The following NRXN3 variants were observed in gnomAD, a reference collection of about 807,000 sequenced individuals.
NRXN3 encodes neurexin 3.
NRXN3 carries 32 observed loss-of-function variants against 137.6 expected under a neutral mutation model. The observed-to-expected ratio is 0.23, with a 90% CI of 0.18 to 0.31. The LOEUF is 0.31. Among genes scored for constraint, NRXN3 ranks in the 10% least tolerant of loss-of-function variants. The pLI, the probability that NRXN3 is intolerant of heterozygous loss-of-function variation, is 1.00. For missense variants in NRXN3, 1,574 were observed against 2,062.5 expected, an observed-to-expected ratio of 0.76 and a Z score of 4.59; for synonymous variants, 798 against 784.5, an observed-to-expected ratio of 1.02 and a Z score of -0.29.
intron 20 of NRXN3, among the ~76,000 whole-genome samples, chr14:79,827,176 G>A (rs1009642371): frequency 1.3e-5 from 2 of 152,170 alleles, no homozygotes; most frequent in Non-Finnish European, 2.9e-5. Context: ...GATGACAAAC[G>A]TTGATGAAGG....
At chr14:79,486,913 T>TTCTCTCTCTCTCTCTCTC (rs58861355) in intron 16 of NRXN3, among the ~76,000 whole-genome samples, 4 of 128,478 alleles carry the variant, frequency 3.1e-5, no homozygotes, top group African/African-American at 1.0e-4. Flanking sequence ...TCTTTACAGG[T>TTCTCTCTCTCTCTCTCTC]TCTCTCTCTC....
At chr14:79,364,237 T>C (rs1455058206) in intron 15 of NRXN3, among the ~76,000 whole-genome samples, 1 of 152,226 alleles carries the variant, frequency 6.6e-6, no homozygotes, top group Non-Finnish European at 1.5e-5. Context: ...ATCCTCCTTT[T>C]TTGTCCGTGA....
chr14:78,478,556 A>G (rs1279124210), intron 4 of NRXN3, among the ~76,000 whole-genome samples: 1 of 152,224 alleles, frequency 6.6e-6, no homozygotes, highest in African/African-American at 2.4e-5. Context: ...GTCAGAAAAA[A>G]AAGAGAAAGC....
intron 4 of NRXN3, among the ~76,000 whole-genome samples, chr14:78,571,914 C>T (rs1299130669): frequency 1.3e-5 from 2 of 152,198 alleles, no homozygotes; most frequent in Non-Finnish European, 2.9e-5. Flanking sequence ...GGGTTCACAA[C>T]TAAATGCTTC....
chr14:79,441,904 G>C lies in NRXN3; in HGVS notation c.3263-25317G>C, dbSNP rs143697941. ...CTGTCCTCCTTCTCCGCCAAATTCAGGATACATGTTTTATCAGCCCATGTG... is the reference window on the plus strand; with the variant it reads ...CTGTCCTCCTTCTCCGCCAAATTCACGATACATGTTTTATCAGCCCATGTG... On this transcript the variant is annotated intron_variant, in intron 15 of 20. Coordinates refer to ENST00000335750, the MANE Select transcript of NRXN3 (RefSeq NM_001330195.2). Among the ~76,000 whole-genome samples, 3 of 150,288 alleles carry C rather than the reference G, an allele frequency of 2.0e-5. No individual in the cohort carries two copies. The East Asian group carries it at 5.9e-4, about 30-fold the overall frequency.
intron 16 of NRXN3, among the ~76,000 whole-genome samples, chr14:79,508,552 G>T (rs2096902275): frequency 6.6e-6 from 1 of 151,376 alleles, no homozygotes; most frequent in Non-Finnish European, 1.5e-5. Context: ...ACCACGCCCG[G>T]CTAGTTTTTT....
intron 16 of NRXN3, among the ~76,000 whole-genome samples, chr14:79,539,711 C>T (rs2097253820): frequency 6.6e-6 from 1 of 152,048 alleles, no homozygotes; most frequent in Non-Finnish European, 1.5e-5. Flanking sequence ...CTAGAAATTC[C>T]TCATTATAAT....
chr14:78,788,937 C>T (rs539398499), intron 8 of NRXN3, among the ~76,000 whole-genome samples: 1 of 152,258 alleles, frequency 6.6e-6, no homozygotes, highest in East Asian at 1.9e-4. Context: ...GCACACCAAG[C>T]AATGATTCTG....
chr14:78,513,396 G>A (rs982211914), intron 4 of NRXN3, among the ~76,000 whole-genome samples: 1 of 152,120 alleles, frequency 6.6e-6, no homozygotes, highest in African/African-American at 2.4e-5. Flanking sequence ...GGTGGAGACG[G>A]CCTAGAAAAG....
In NRXN3 at chr14:78,771,795, C is replaced by T. The variant is rs1040813035; in HGVS notation, c.2045-31825C>T. 3.3e-5 allele frequency among the ~76,000 whole-genome samples: 5 copies of T among 152,204 alleles called. 1 individual carries two copies. Among genetic ancestry groups the T allele is most frequent in the Admixed American group, 6.5e-5 (1 of 15,278 alleles). On this transcript the variant is annotated intron_variant, in intron 8 of 20. Coordinates refer to ENST00000335750, the MANE Select transcript of NRXN3 (RefSeq NM_001330195.2). ...ATTTGCCTTATTTGCAAAGAGACAG[C>T]TGTGCCCAGGCCTTTAGAAAGGAAC...
intron 4 of NRXN3, among the ~76,000 whole-genome samples, chr14:78,300,008 A>G (rs928571858): frequency 1.3e-5 from 2 of 151,982 alleles, no homozygotes; most frequent in African/African-American, 4.8e-5. Context: ...CTATCCCCTT[A>G]TCTGTTCTCA....
intron 16 of NRXN3, among the ~76,000 whole-genome samples, chr14:79,593,586 G>C (rs2097830639): frequency 1.4e-5 from 2 of 140,364 alleles, no homozygotes; most frequent in Non-Finnish European, 3.0e-5. Flanking sequence ...AGCCAAGATG[G>C]CGCCACTGCA....
chr14:78,624,827 GTGTGTTTGTTTGTT>G (rs2097440323), intron 4 of NRXN3, among the ~76,000 whole-genome samples: 1 of 150,360 alleles, frequency 6.7e-6, no homozygotes, highest in South Asian at 2.1e-4. Flanking sequence ...GTGTGTGTGT[GTGTGTTTGTTTGTT>G]TGTTTGTTTG....
intron 15 of NRXN3, among the ~76,000 whole-genome samples, chr14:79,206,845 A>T (rs2066865849): frequency 6.6e-6 from 1 of 152,218 alleles, no homozygotes; most frequent in Non-Finnish European, 1.5e-5. Flanking sequence ...TTAGAAAGGC[A>T]GAACACAATG....
intron 15 of NRXN3, among the ~76,000 whole-genome samples, chr14:79,092,501 A>C (rs1378304349): frequency 6.6e-6 from 1 of 152,036 alleles, no homozygotes; most frequent in Non-Finnish European, 1.5e-5. Flanking sequence ...ACACACACAC[A>C]CCCTTGCCCT....
intron 15 of NRXN3, among the ~76,000 whole-genome samples, chr14:79,349,758 G>T (rs2093110521): frequency 6.6e-6 from 1 of 152,064 alleles, no homozygotes; most frequent in Non-Finnish European, 1.5e-5. Flanking sequence ...ATCAGTGTGG[G>T]CCCTAATCTG....
At chr14:79,285,027 C>G (rs2082017882) in intron 15 of NRXN3, among the ~76,000 whole-genome samples, 1 of 152,050 alleles carries the variant, frequency 6.6e-6, no homozygotes, top group South Asian at 2.1e-4. Flanking sequence ...AGTGGTGGGT[C>G]TGGAGATTAA....
intron 19 of NRXN3, among the ~76,000 whole-genome samples, chr14:79,797,152 T>G (rs1439546877): frequency 6.6e-6 from 1 of 152,222 alleles, no homozygotes; most frequent in Non-Finnish European, 1.5e-5. Flanking sequence ...GAATATTTTT[T>G]TAATTCAGTT....
intron 16 of NRXN3, among the ~76,000 whole-genome samples, chr14:79,633,950 T>C: frequency 6.6e-6 from 1 of 151,984 alleles, no homozygotes; most frequent in East Asian, 1.9e-4. Flanking sequence ...CCTTCAACTC[T>C]ATCCAGTCTC....
Sources: allele counts gnomAD v4.1 joint callset (sites outside exome capture counted in the v4.1 genomes callset), GRCh38; gene constraint gnomAD v4.1.1; transcripts MANE v1.5; gene names NCBI Gene and HGNC (gene_info 2026-07-23, HGNC 2026-07-21).